Variants in PDGFC observed in about 807,000 individuals in gnomAD.
The protein encoded by PDGFC is platelet-derived growth factor C.
Under a neutral mutation model 35.5 loss-of-function variants are expected in PDGFC, and 12 were observed. The ratio of observed to expected loss-of-function variants is 0.34; its 90% confidence interval spans 0.22 to 0.55. PDGFC has a LOEUF of 0.55. PDGFC is among the 20% of genes least tolerant of loss of function. The pLI is 0.91. For missense variants in PDGFC, 322 were observed against 412.4 expected (o/e 0.78, Z 1.90); for synonymous variants, 159 against 148.8 (o/e 1.07, Z -0.50).
chr4:156,920,644 AACACACACACACACACACAC>A (rs10611712), intron 1 of PDGFC, among the ~76,000 whole-genome samples: 27 of 132,046 alleles, frequency 2.0e-4, no homozygotes, highest in South Asian at 1.5e-3. Flanking sequence ...AGGAAAAGAA[AACACACACACACACACACAC>A]ACACACACAC....
rs536444894 is a variant in PDGFC at position 156,814,920 on chromosome 4, G to A, written c.315-3903C>T. On this transcript the variant is annotated intron_variant, in intron 2 of 5. Transcript: ENST00000502773. ...ATGAGCATATTATTACTTATTTCATGAAGATTTCCAACTGAATTTGATGCC... is the reference window on the plus strand; with the variant it reads ...ATGAGCATATTATTACTTATTTCATAAAGATTTCCAACTGAATTTGATGCC... 2.0e-5 allele frequency among the ~76,000 whole-genome samples: 3 copies of A among 152,200 alleles called. No individual in the cohort carries two copies. In the South Asian group the frequency reaches 6.2e-4, roughly 32 times the overall value.
Position 156,835,265 on chromosome 4 carries a change from C to T in PDGFC, c.314+14956G>A, listed in dbSNP as rs116561722. Among the ~76,000 whole-genome samples the T allele has an allele frequency of 9.6e-3, 1,461 of 152,084 alleles. 19 individuals carry two copies. Among genetic ancestry groups the T allele is most frequent in the African/African-American group, 0.034 (1,405 of 41,478 alleles). ...AATCACCTCACATCGGTCAGACTGG[C>T]AATTATTAAAAAGCACAAAATAATA... On this transcript the variant is annotated intron_variant, in intron 2 of 5. Transcript: ENST00000502773.
At chr4:156,859,936 C>A (rs1056066465) in intron 1 of PDGFC, among the ~76,000 whole-genome samples, 1 of 151,984 alleles carries the variant, frequency 6.6e-6, no homozygotes, top group African/African-American at 2.4e-5. Context: ...TTTAAGTATC[C>A]TTTATTCTAG....
At chr4:156,852,044 C>T (rs1729470130) in intron 1 of PDGFC, among the ~76,000 whole-genome samples, 1 of 150,918 alleles carries the variant, frequency 6.6e-6, no homozygotes, top group African/African-American at 2.4e-5. Flanking sequence ...TATTGAATTT[C>T]TAATACTATT....
intron 3 of PDGFC, among the ~76,000 whole-genome samples, chr4:156,783,916 T>A (rs1366588687): frequency 6.6e-6 from 1 of 152,112 alleles, no homozygotes; most frequent in East Asian, 1.9e-4. Flanking sequence ...GGATGGGGAA[T>A]CAGGGAGAGA....
chr4:156,853,403 GT>G (rs1253796898), intron 1 of PDGFC, among the ~76,000 whole-genome samples: 1 of 152,046 alleles, frequency 6.6e-6, no homozygotes, highest in Non-Finnish European at 1.5e-5. Flanking sequence ...TAATTGTAAC[GT>G]TTTTATTTAT....
At chr4:156,962,810 T>C (rs894153500) in intron 1 of PDGFC, among the ~76,000 whole-genome samples, 1 of 152,006 alleles carries the variant, frequency 6.6e-6, no homozygotes, top group Non-Finnish European at 1.5e-5. Context: ...CTGCATACTA[T>C]CTGCAAACAT....
In PDGFC at chr4:156,880,230, T is replaced by C. The variant is rs140874849; in HGVS notation, c.119-29814A>G. 5.8e-4 allele frequency among the ~76,000 whole-genome samples: 89 copies of C among 152,204 alleles called. No individual in the cohort carries two copies. The South Asian group carries it at 9.8e-3, about 17-fold the overall frequency. ...GTCAAAGGCTAGCTTCAAAGAACCATTGGACAAGTAGACTCTCTTGTTAGG... is the reference window on the plus strand; with the variant it reads ...GTCAAAGGCTAGCTTCAAAGAACCACTGGACAAGTAGACTCTCTTGTTAGG... On this transcript the variant is annotated intron_variant, in intron 1 of 5. Coordinates refer to ENST00000502773, the MANE Select transcript of PDGFC (RefSeq NM_016205.3).
chr4:156,927,316 ATCGGGCTGCTTGTTACTTATGCAAATT>A (rs1311548943), intron 1 of PDGFC, among the ~76,000 whole-genome samples: 1 of 152,160 alleles, frequency 6.6e-6, no homozygotes, highest in African/African-American at 2.4e-5. Flanking sequence ...TAAGGTTAAC[ATCGGGCTGCTTGTTACTTATGCAAATT>A]TCTGTAGTCA....
chr4:156,842,062 A>G (rs1362290607), intron 2 of PDGFC: 3 of 152,154 alleles, frequency 2.0e-5, no homozygotes, highest in Non-Finnish European at 4.4e-5. Context: ...TTCAACACGA[A>G]GAAAAAAGAG....
At chr4:156,794,558 A>G (rs973754708) in intron 3 of PDGFC, among the ~76,000 whole-genome samples, 1 of 151,112 alleles carries the variant, frequency 6.6e-6, no homozygotes, top group Admixed American at 6.6e-5. Flanking sequence ...AGAAAAGGAA[A>G]CTCTGCTTTT....
At chr4:156,816,744 T>C (rs2110963223) in intron 2 of PDGFC, among the ~76,000 whole-genome samples, 1 of 152,292 alleles carries the variant, frequency 6.6e-6, no homozygotes, top group African/African-American at 2.4e-5. Context: ...ACATTGCTTA[T>C]TATATTTAAA....
At chr4:156,959,211 G>A (rs560182292) in intron 1 of PDGFC, among the ~76,000 whole-genome samples, 36 of 152,062 alleles carry the variant, frequency 2.4e-4, no homozygotes, top group Admixed American at 2.2e-3. Context: ...TGCTTTCCAA[G>A]TGCAATACAA....
intron 3 of PDGFC, among the ~76,000 whole-genome samples, chr4:156,783,258 G>C (rs186183854): frequency 6.8e-4 from 104 of 152,114 alleles, no homozygotes; most frequent in Non-Finnish European, 1.2e-3. Flanking sequence ...TGATTGGGAA[G>C]GCTTTGTGTG....
chr4:156,927,519 C>T (rs1483339226), intron 1 of PDGFC, among the ~76,000 whole-genome samples: 1 of 152,100 alleles, frequency 6.6e-6, no homozygotes, highest in Non-Finnish European at 1.5e-5. Flanking sequence ...CCACAAGATA[C>T]CCTGAATCAT....
At chr4:156,901,958 A>G (rs1444700148) in intron 1 of PDGFC, among the ~76,000 whole-genome samples, 1 of 152,196 alleles carries the variant, frequency 6.6e-6, no homozygotes, top group Admixed American at 6.5e-5. Context: ...AGCATGCTAC[A>G]TTGACAGCGA....
intron 1 of PDGFC, among the ~76,000 whole-genome samples, chr4:156,852,514 C>A (rs1038757740): frequency 2.0e-5 from 3 of 152,168 alleles, no homozygotes; most frequent in Admixed American, 1.3e-4. Context: ...ATCTTAAAGT[C>A]TGTATCTTCT....
At chr4:156,916,727 A>C (rs1049838486) in intron 1 of PDGFC, among the ~76,000 whole-genome samples, 2 of 152,206 alleles carry the variant, frequency 1.3e-5, no homozygotes, top group African/African-American at 4.8e-5. Context: ...AATTAATAGG[A>C]CTGCACTTAG....
At chr4:156,824,413 C>T (rs1019041243) in intron 2 of PDGFC, among the ~76,000 whole-genome samples, 1 of 150,222 alleles carries the variant, frequency 6.7e-6, no homozygotes, top group Non-Finnish European at 1.5e-5. Flanking sequence ...CACATATATA[C>T]ACACACACAT....
Sources: gnomAD v4.1 joint callset for allele counts (sites outside exome capture counted in the v4.1 genomes callset) on GRCh38, gnomAD v4.1.1 for gene constraint, MANE v1.5 for transcripts, NCBI Gene and HGNC (gene_info 2026-07-23, HGNC 2026-07-21) for gene names.